Variants in PTPRD observed in about 807,000 individuals in gnomAD.
PTPRD encodes protein tyrosine phosphatase receptor type D, also known as receptor-type tyrosine-protein phosphatase delta.
In PTPRD, 34 loss-of-function variants were observed where a neutral mutation model predicts 214.5. The observed-to-expected ratio is 0.16, with a 90% confidence interval of 0.12 to 0.21. The LOEUF is 0.21. PTPRD is among the 10% of genes least tolerant of loss of function. The pLI, the probability that PTPRD is intolerant of heterozygous loss-of-function variation, is 1.00. For missense variants in PTPRD, 2,545 were observed against 2,398.7 expected, an observed-to-expected ratio of 1.06 and a Z score of -1.27; for synonymous variants, 1,128 against 845.7, an observed-to-expected ratio of 1.33 and a Z score of -5.79.
chr9:10,065,179 G>GAAAGAAAGAAAGAAAGAAAGAAAGA, intron 3 of PTPRD, among the ~76,000 whole-genome samples: 1 of 151,368 alleles, frequency 6.6e-6, no homozygotes, highest in South Asian at 2.1e-4. Flanking sequence ...AAGAAAGAAA[G>GAAAGAAAGAAAGAAAGAAAGAAAGA]AAAGAAAGAA....
At chr9:10,024,339 T>TTTG (rs1261684468) in intron 4 of PTPRD, among the ~76,000 whole-genome samples, 1 of 152,126 alleles carries the variant, frequency 6.6e-6, no homozygotes, top group Non-Finnish European at 1.5e-5. Context: ...GGAATTTTTA[T>TTTG]TTGTTGTTTA....
intron 2 of PTPRD, among the ~76,000 whole-genome samples, chr9:10,406,694 T>C (rs1191890880): frequency 6.6e-6 from 1 of 151,662 alleles, no homozygotes; most frequent in Non-Finnish European, 1.5e-5. Flanking sequence ...AGCATGTGTA[T>C]ATCAATTTTC....
chr9:8,790,393 G>C (rs187186271), intron 11 of PTPRD, among the ~76,000 whole-genome samples: 97 of 144,072 alleles, frequency 6.7e-4, no homozygotes, highest in Admixed American at 1.8e-3. Context: ...AGCCTCAGGA[G>C]AGTAGGGAAT....
intron 8 of PTPRD, among the ~76,000 whole-genome samples, chr9:9,491,256 T>A (rs2095881175): frequency 6.6e-6 from 1 of 151,838 alleles, no homozygotes; most frequent in Non-Finnish European, 1.5e-5. Flanking sequence ...TATATAGCAA[T>A]GAAACACTTT....
At chr9:8,320,201 A>T (rs1825952163) in intron 44 of PTPRD, among the ~76,000 whole-genome samples, 1 of 152,134 alleles carries the variant, frequency 6.6e-6, no homozygotes, top group Non-Finnish European at 1.5e-5. Flanking sequence ...GGTCTTTTCA[A>T]TGGGGATTTA....
chr9:9,050,301 G>T (rs1310891889), intron 10 of PTPRD, among the ~76,000 whole-genome samples: 1 of 152,192 alleles, frequency 6.6e-6, no homozygotes, highest in Non-Finnish European at 1.5e-5. Context: ...GCAATGCAAT[G>T]AAGGAAGATG....
intron 5 of PTPRD, among the ~76,000 whole-genome samples, chr9:9,933,441 A>T (rs1334682782): frequency 2.0e-5 from 3 of 151,758 alleles, no homozygotes; most frequent in African/African-American, 7.3e-5. Flanking sequence ...GTTTCTGATA[A>T]AACAGACTTT....
chr9:9,180,308 G>A (rs1593033440), intron 10 of PTPRD, among the ~76,000 whole-genome samples: 1 of 151,826 alleles, frequency 6.6e-6, no homozygotes, highest in Admixed American at 6.6e-5. Context: ...GGACATGGAT[G>A]AAACTGGAAA....
intron 11 of PTPRD, among the ~76,000 whole-genome samples, chr9:8,884,934 C>CT (rs143893410): frequency 0.088 from 13,421 of 152,170 alleles, 771 homozygotes; most frequent in Middle Eastern, 0.12. Context: ...AAAAAGTTAT[C>CT]TCCTGGATTC....
chr9:10,300,563 C>T (rs1033888806), intron 3 of PTPRD, among the ~76,000 whole-genome samples: 1 of 152,154 alleles, frequency 6.6e-6, no homozygotes, highest in Admixed American at 6.5e-5. Context: ...ACCTGGGACA[C>T]TCAAGCTTGG....
At chr9:8,650,414 G>T (rs1295229607) in intron 12 of PTPRD, among the ~76,000 whole-genome samples, 1 of 151,556 alleles carries the variant, frequency 6.6e-6, no homozygotes, top group African/African-American at 2.4e-5. Flanking sequence ...AATCCCAGCT[G>T]CTCGGGAGGC....
chr9:9,867,800 C>T (rs1160942657), intron 5 of PTPRD, among the ~76,000 whole-genome samples: 1 of 152,092 alleles, frequency 6.6e-6, no homozygotes, highest in Non-Finnish European at 1.5e-5. Context: ...CTTCCTCCTC[C>T]ATGGTATAAA....
At chr9:9,499,317 G>A (rs2096317827) in intron 8 of PTPRD, among the ~76,000 whole-genome samples, 2 of 152,146 alleles carry the variant, frequency 1.3e-5, no homozygotes, top group South Asian at 4.2e-4. Context: ...ATTCATGGCA[G>A]GGAAAGATCA....
At chr9:9,577,933 G>C (rs1334243760) in intron 7 of PTPRD, among the ~76,000 whole-genome samples, 3 of 147,890 alleles carry the variant, frequency 2.0e-5, no homozygotes, top group Non-Finnish European at 3.0e-5. Flanking sequence ...GTAGTCCCAG[G>C]TACTTGGGAG....
chr9:8,529,897 C>A (rs1375904349), intron 14 of PTPRD, among the ~76,000 whole-genome samples: 1 of 152,084 alleles, frequency 6.6e-6, no homozygotes, highest in Non-Finnish European at 1.5e-5. Context: ...CCCATTAACT[C>A]GTGATCATGA....
chr9:9,671,059 A>G (rs2096823798), intron 7 of PTPRD, among the ~76,000 whole-genome samples: 1 of 152,170 alleles, frequency 6.6e-6, no homozygotes, highest in Admixed American at 6.5e-5. Flanking sequence ...TGGAAAAACC[A>G]CAGACACTCA....
rs906059307 is a variant in PTPRD, at chr9:8,749,094, G to GA, written c.-103-15149dup. 1.0e-4 allele frequency among the ~76,000 whole-genome samples: 15 copies of GA among 150,508 alleles called. No homozygotes were observed. The South Asian group carries it at 1.0e-3, about 10-fold the overall frequency. ...ACAGAATTAGAAATTTTAAAAATAA[G>GA]AAAAAAAAAGTAGAAGTTCTATAAT... On this transcript the variant is annotated intron_variant, in intron 11 of 45. Transcript: ENST00000381196.
rs2098987553 is a variant in PTPRD at position 10,141,827 on chromosome 9, C to T, written c.-544-108037G>A. ...TAAGCCAAAAGAACAAAGCTGGAGG[C>T]ATCACACTACCTGACTTCAAACTAT... On this transcript the variant is annotated intron_variant, in intron 3 of 45. Transcript: ENST00000381196. 2.6e-5 allele frequency among the ~76,000 whole-genome samples: 4 copies of T among 152,254 alleles called. No individual in the cohort carries two copies. In the South Asian group the frequency reaches 8.3e-4, roughly 32 times the overall value.
intron 3 of PTPRD, among the ~76,000 whole-genome samples, chr9:10,292,627 C>T (rs2095559525): frequency 6.6e-6 from 1 of 151,902 alleles, no homozygotes; most frequent in Non-Finnish European, 1.5e-5. Flanking sequence ...GGGTTGGTTG[C>T]TACCCAACAA....
Sources: gnomAD v4.1 joint callset for allele counts (sites outside exome capture counted in the v4.1 genomes callset) on GRCh38, gnomAD v4.1.1 for gene constraint, MANE v1.5 for transcripts, NCBI Gene and HGNC (gene_info 2026-07-23, HGNC 2026-07-21) for gene names.